FKBP14: variants seen among roughly 807,000 people sequenced by gnomAD.
FKBP14 encodes FKBP prolyl isomerase 14, also known as peptidyl-prolyl cis-trans isomerase FKBP14.
In FKBP14, 20 loss-of-function variants were observed where a neutral mutation model predicts 21.6. The ratio of observed to expected loss-of-function variants is 0.92; its 90% CI spans 0.65 to 1.34. The LOEUF (loss-of-function observed/expected upper bound fraction) is 1.34. Ranked by LOEUF, FKBP14 falls within the 40% of genes most tolerant of loss-of-function variation. The pLI is 0.00. For missense variants in FKBP14, 253 were observed against 249.0 expected (o/e 1.02, Z -0.11); for synonymous variants, 79 against 86.7 (o/e 0.91, Z 0.49).
chr7:30,006,110 GAT>G (rs1444266897), downstream of FKBP14, among the ~76,000 whole-genome samples: 1 of 138,720 alleles, frequency 7.2e-6, no homozygotes, highest in Admixed American at 8.5e-5. Context: ...ATATATTTAG[GAT>G]AGTCTTTTTT....
intron 1 of FKBP14, among the ~76,000 whole-genome samples, chr7:30,024,964 C>T (rs1374158522): frequency 6.6e-6 from 1 of 152,194 alleles, no homozygotes; most frequent in Non-Finnish European, 1.5e-5. Flanking sequence ...CACCGTGGCA[C>T]TCACCTAGTT....
rs747474125 is a variant in FKBP14 at position 30,012,349 on chromosome 7, T to A, written c.*2386A>T. 8 of 152,234 alleles carry A rather than the reference T, an allele frequency of 5.3e-5. No individual in the cohort carries two copies. Among genetic ancestry groups the A allele is most frequent in the Non-Finnish European group, 1.0e-4 (7 of 68,044 alleles). 9.4% of individuals were successfully genotyped at this position (152,234 alleles called of 1,614,324 possible). A position where few individuals can be genotyped will look rare whatever the true frequency, so the allele number is the denominator to read the frequency against. ...AAAATGCTGCCTGAATAATCAAAAC[T>A]CTTTTTACTTTTCTTGCCCTACTAT... is the stretch of plus-strand genomic sequence containing the variant. On this transcript the variant is annotated 3_prime_UTR_variant, in exon 4 of 4. Transcript: ENST00000222803.
rs1031768648 is a variant in FKBP14, at chr7:30,013,574, A to G, written c.*1161T>C. On this transcript the variant is annotated 3_prime_UTR_variant, in exon 4 of 4. Transcript: ENST00000222803. ...AACTTCAGTTTTTGATGAGACAGAA[A>G]TGGGAAAATGTAGACTGGTTTACTA... The G allele has an allele frequency of 2.6e-5, 4 of 152,082 alleles. No individual in the cohort carries two copies. Among genetic ancestry groups the G allele is most frequent in the African/African-American group, 9.7e-5 (4 of 41,416 alleles). 9.4% of individuals were successfully genotyped at this position (152,082 alleles called of 1,614,324 possible). A position where few individuals can be genotyped will look rare whatever the true frequency, so the allele number is the denominator to read the frequency against.
chr7:30,019,853 A>G (rs1789984752), intron 2 of FKBP14, among the ~76,000 whole-genome samples: 1 of 152,198 alleles, frequency 6.6e-6, no homozygotes, highest in Admixed American at 6.5e-5. Context: ...TAACAATTTC[A>G]GAAAGTTAGG....
chr7:30,017,567 A>G (rs1265571503), intron 3 of FKBP14, among the ~76,000 whole-genome samples: 1 of 127,266 alleles, frequency 7.9e-6, no homozygotes, highest in African/African-American at 3.3e-5. Context: ...GATTCCGTCT[A>G]AAAAAAAAAA....
chr7:30,012,393 T>C lies in FKBP14; in HGVS notation c.*2342A>G, dbSNP rs746347649. 6.6e-6 allele frequency: 1 copy of C among 152,270 alleles called. No individual in the cohort carries two copies. Among genetic ancestry groups the C allele is most frequent in the Admixed American group, 6.5e-5 (1 of 15,286 alleles). 9.4% of individuals were successfully genotyped at this position (152,270 alleles called of 1,614,324 possible). On this transcript the variant is annotated 3_prime_UTR_variant, in exon 4 of 4. Transcript: ENST00000222803. ...CTACTATAGATAGCATCAGTAATGT[T>C]TATACAGAGTAGCACCATCGGACAA...
In FKBP14 at chr7:30,014,721, G is replaced by C; in HGVS notation, c.*14C>G. The stretch of plus-strand genomic sequence containing the variant: ...TTGAAAGATGAGTGCTATATTAAAA[G>C]GGTAGATGTATCTCTATAACTCATC... On this transcript the variant is annotated 3_prime_UTR_variant, in exon 4 of 4. Transcript: ENST00000222803. 6.5e-6 allele frequency: 10 copies of C among 1,533,956 alleles called. No homozygotes were observed. Among genetic ancestry groups the C allele is most frequent in the Non-Finnish European group, 8.8e-6 (10 of 1,142,324 alleles).
chr7:30,015,819 G>A (rs761940565), intron 3 of FKBP14, among the ~76,000 whole-genome samples: 11 of 151,956 alleles, frequency 7.2e-5, no homozygotes, highest in East Asian at 1.9e-4. Context: ...TAGAGACGGC[G>A]TTTCACCGTG....
chr7:30,018,083 T>G (rs961811261), intron 3 of FKBP14, among the ~76,000 whole-genome samples: 11 of 152,240 alleles, frequency 7.2e-5, no homozygotes, highest in African/African-American at 2.6e-4. Context: ...GTGTTATATA[T>G]TCAAAATTAT....
chr7:30,022,681 A>G lies in FKBP14; in HGVS notation c.333T>C (p.Tyr111=), dbSNP rs564024029. 17 of 1,612,290 alleles carry G rather than the reference A, an allele frequency of 1.1e-5. No individual in the cohort carries two copies. Among genetic ancestry groups the G allele is most frequent in the South Asian group, 7.7e-5 (7 of 90,652 alleles). ...RKLIIPPALG[Y]GKEGKGKIPP... is the part of the protein sequence containing the mutation. ...TACTATTACCTTTTCCTTCTTTTCC[A>G]TAGCCCAGAGCAGGAGGAATGATGA... The change falls in exon 2 of 4, where the codon TAT becomes TAC. Residue 111 remains tyrosine, a synonymous_variant. Coordinates refer to ENST00000222803, the MANE Select transcript of FKBP14 (RefSeq NM_017946.4).
In FKBP14 at chr7:30,014,886, G is replaced by A; in HGVS notation, c.485C>T (p.Ala162Val). 1 of 1,578,208 alleles carries A rather than the reference G, an allele frequency of 6.3e-7. No homozygotes were observed. ...DWKLSKDEVK[A>V]YLKKEFEKHG... ...TTTTTCAAACTCCTTCTTTAAATATGCTTTAACCTACAAAATAACAGATCC... is the reference window on the plus strand; with the variant it reads ...TTTTTCAAACTCCTTCTTTAAATATACTTTAACCTACAAAATAACAGATCC... The change falls in exon 4 of 4, where the codon GCA (alanine) becomes GTA (valine). Residue 162 changes from alanine (A) to valine (V), a missense_variant. Physicochemically the swap from Ala to Val is moderately conservative, Grantham distance 64 (BLOSUM62 0). Coordinates refer to ENST00000222803, the MANE Select transcript of FKBP14 (RefSeq NM_017946.4).
chr7:30,018,658 C>G (rs534316104), intron 3 of FKBP14, among the ~76,000 whole-genome samples: 1 of 152,172 alleles, frequency 6.6e-6, no homozygotes, highest in Non-Finnish European at 1.5e-5. Flanking sequence ...TACAGTAACT[C>G]CAGATGGAAA....
downstream of FKBP14, among the ~76,000 whole-genome samples, chr7:30,006,121 T>C (rs1789609699): frequency 6.7e-6 from 1 of 148,382 alleles, no homozygotes. Context: ...ATAGTCTTTT[T>C]TTTTTTTTTT....
Position 30,026,505 on chromosome 7 carries a change from T to G in FKBP14, c.4A>C (p.Arg2=), listed in dbSNP as rs1790182093. ...AAGACCGCGTTCCACAAGAAAAGCCTCATGTTGCTGAAGCAAGGAAAGAAG... is the reference window on the plus strand; with the variant it reads ...AAGACCGCGTTCCACAAGAAAAGCCGCATGTTGCTGAAGCAAGGAAAGAAG... The part of the protein sequence containing the change: M[R]LFLWNAVLTL... Residue 2 remains arginine, a synonymous_variant, in exon 1 of 4, where the codon AGG becomes CGG. Transcript: ENST00000222803. 6.2e-7 allele frequency: 1 copy of G among 1,607,214 alleles called. No homozygotes were observed. The highest frequency in any genetic ancestry group is 8.5e-7 in the Non-Finnish European group (1 of 1,177,084).
At chr7:30,016,707 C>T (rs1227584130) in intron 3 of FKBP14, among the ~76,000 whole-genome samples, 1 of 152,062 alleles carries the variant, frequency 6.6e-6, no homozygotes, top group Admixed American at 6.6e-5. Context: ...ATTTTCATTT[C>T]ATTCAGATAT....
intron 3 of FKBP14, among the ~76,000 whole-genome samples, chr7:30,018,205 A>G (rs1789943735): frequency 6.6e-6 from 1 of 152,146 alleles, no homozygotes; most frequent in Non-Finnish European, 1.5e-5. Context: ...CCTGGTTCGT[A>G]ACAATTTGGC....
In FKBP14 at chr7:30,018,982, G is replaced by A. The variant is rs1484880406; in HGVS notation, c.477+14C>T. ...AGAAAAGTAGAAAGAGGAGTAGGAAGAAGGAAAGGTCACCTCATCTTTAGA... is the reference window on the plus strand; with the variant it reads ...AGAAAAGTAGAAAGAGGAGTAGGAAAAAGGAAAGGTCACCTCATCTTTAGA... On this transcript the variant is annotated intron_variant, in intron 3 of 3. Coordinates refer to ENST00000222803, the MANE Select transcript of FKBP14 (RefSeq NM_017946.4). 3.7e-6 allele frequency: 6 copies of A among 1,605,680 alleles called. No homozygotes were observed. The highest frequency in any genetic ancestry group is 5.1e-6 in the Non-Finnish European group (6 of 1,177,456).
At position 30,021,967 on chromosome 7, in the gene FKBP14, C is replaced by G. The variant is rs527498670; in HGVS notation, c.349+698G>C. On this transcript the variant is annotated intron_variant, in intron 2 of 3. Coordinates refer to ENST00000222803, the MANE Select transcript of FKBP14 (RefSeq NM_017946.4). ...AAACTAGTACAAAAGCTGTCCGGAC[C>G]AGCTAGCCAGCTTGCTTCTGCTTTG... 3.3e-5 allele frequency among the ~76,000 whole-genome samples: 5 copies of G among 152,280 alleles called. No homozygotes were observed. The East Asian group carries it at 9.6e-4, about 29-fold the overall frequency.
At chr7:30,022,515 T>C (rs1379834893) in intron 2 of FKBP14, 150 bp downstream of exon 2, 2 of 687,160 alleles carry the variant, frequency 2.9e-6, no homozygotes, top group Non-Finnish European at 4.5e-6. Context: ...TTTCAATTGA[T>C]ACTCAAGACA....
Sources: allele counts gnomAD v4.1 joint callset (sites outside exome capture counted in the v4.1 genomes callset), GRCh38; gene constraint gnomAD v4.1.1; transcripts MANE v1.5; gene names NCBI Gene and HGNC (gene_info 2026-07-23, HGNC 2026-07-21).